Variants in SETD3 observed in about 807,000 individuals in gnomAD.
SETD3 encodes actin-histidine N-methyltransferase.
In SETD3, 19 loss-of-function variants were observed where a neutral mutation model predicts 63.0. The observed-to-expected ratio is 0.30, with a 90% CI of 0.21 to 0.44. The LOEUF is 0.44. Among genes scored for constraint, SETD3 ranks in the 20% least tolerant of loss-of-function variants. The probability of loss-of-function intolerance (pLI) is 1.00; values close to 1 mark genes in which losing one functional copy is unlikely to be tolerated. For synonymous variants in SETD3, 286 were observed against 264.1 expected, an observed-to-expected ratio of 1.08 and a Z score of -0.80; for missense variants, 587 against 728.5, an observed-to-expected ratio of 0.81 and a Z score of 2.24.
chr14:99,428,482 C>G (rs1893003076), intron 6 of SETD3, among the ~76,000 whole-genome samples: 1 of 151,940 alleles, frequency 6.6e-6, no homozygotes, highest in African/African-American at 2.4e-5. Context: ...CCATCACTAC[C>G]AAAAAATACA....
intron 6 of SETD3, among the ~76,000 whole-genome samples, chr14:99,449,657 G>A (rs889969576): frequency 4.6e-5 from 7 of 152,154 alleles, no homozygotes; most frequent in African/African-American, 1.7e-4. Context: ...AATGCAATAC[G>A]GGATTCTGGA....
chr14:99,481,347 T>A (rs528468265), upstream of SETD3: 13 of 398,420 alleles, frequency 3.3e-5, no homozygotes, highest in South Asian at 1.7e-3. Flanking sequence ...GGCATCCTAC[T>A]CTCTCCGCCC....
upstream of SETD3, among the ~76,000 whole-genome samples, chr14:99,485,498 C>G (rs1433819516): frequency 6.6e-6 from 1 of 152,192 alleles, no homozygotes; most frequent in East Asian, 1.9e-4. Flanking sequence ...CTAAGGTTAA[C>G]TTTCTTGCTG....
upstream of SETD3, chr14:99,481,129 C>G (rs1247672931): frequency 3.2e-6 from 1 of 312,034 alleles, no homozygotes; most frequent in African/African-American, 2.1e-5. Context: ...GAATCTCGAC[C>G]CGGGCCCCGC....
At chr14:99,428,179 GGTCT>G (rs1305825951) in intron 6 of SETD3, among the ~76,000 whole-genome samples, 1 of 152,302 alleles carries the variant, frequency 6.6e-6, no homozygotes, top group South Asian at 2.1e-4. Flanking sequence ...CTACCCATCT[GGTCT>G]GTTACTTCAC....
intron 1 of SETD3, among the ~76,000 whole-genome samples, chr14:99,474,130 G>A (rs1327181673): frequency 6.6e-6 from 1 of 152,142 alleles, no homozygotes; most frequent in Non-Finnish European, 1.5e-5. Flanking sequence ...AGACCAACTT[G>A]GTCAACATGA....
upstream of SETD3, among the ~76,000 whole-genome samples, chr14:99,484,447 A>C (rs1204317795): frequency 6.6e-6 from 1 of 152,242 alleles, no homozygotes; most frequent in Non-Finnish European, 1.5e-5. Flanking sequence ...AAAAATCATG[A>C]TGAGAAAAAT....
chr14:99,441,393 T>C (rs191696963), intron 6 of SETD3, among the ~76,000 whole-genome samples: 42 of 152,322 alleles, frequency 2.8e-4, no homozygotes, highest in African/African-American at 9.4e-4. Flanking sequence ...TGAGCCCTCC[T>C]GTGTGACAGG....
At chr14:99,409,288 G>C (rs908288545) in intron 8 of SETD3, among the ~76,000 whole-genome samples, 2 of 152,170 alleles carry the variant, frequency 1.3e-5, no homozygotes, top group African/African-American at 4.8e-5. Flanking sequence ...TAGTGGAAAA[G>C]ACACAGGGAG....
chr14:99,452,493 A>G (rs1566721266), intron 6 of SETD3, among the ~76,000 whole-genome samples: 1 of 152,276 alleles, frequency 6.6e-6, no homozygotes, highest in Non-Finnish European at 1.5e-5. Context: ...GTCCTGGATC[A>G]AGGAAATCTG....
chr14:99,434,760 T>C (rs1893374636), intron 6 of SETD3, among the ~76,000 whole-genome samples: 3 of 143,942 alleles, frequency 2.1e-5, no homozygotes, highest in Admixed American at 7.5e-5. Flanking sequence ...GGAAGGAGAA[T>C]TGCTTGAACC....
chr14:99,463,408 A>G, intron 3 of SETD3, 78 bp downstream of exon 3: 2 of 1,067,218 alleles, frequency 1.9e-6, no homozygotes, highest in Non-Finnish European at 2.8e-6. Flanking sequence ...TGAGACCTTT[A>G]CTACTCGTCA....
chr14:99,443,056 A>C (rs1179860127), intron 6 of SETD3, among the ~76,000 whole-genome samples: 1 of 152,112 alleles, frequency 6.6e-6, no homozygotes, highest in Non-Finnish European at 1.5e-5. Context: ...TGATAGGGAG[A>C]GTTACATACC....
chr14:99,406,650 T>A, intron 8 of SETD3, 60 bp from the exon 9 acceptor site: 1 of 1,507,664 alleles, frequency 6.6e-7, no homozygotes, highest in South Asian at 1.1e-5. Flanking sequence ...TCTCACTTAA[T>A]CTACAAGCTT....
chr14:99,461,112 A>G, intron 4 of SETD3, 80 bp downstream of exon 4: 1 of 1,504,130 alleles, frequency 6.6e-7, no homozygotes, highest in Non-Finnish European at 9.0e-7. Flanking sequence ...CCACACGTCT[A>G]CCTCTTCACC....
intron 7 of SETD3, chr14:99,413,283 T>C: frequency 2.0e-6 from 1 of 500,716 alleles, no homozygotes; most frequent in Non-Finnish European, 3.6e-6. Flanking sequence ...AGGCAGACTG[T>C]TCCCAAGAAG....
At chr14:99,403,930 A>C (rs1004963434) in intron 11 of SETD3, among the ~76,000 whole-genome samples, 2 of 152,244 alleles carry the variant, frequency 1.3e-5, no homozygotes, top group African/African-American at 4.8e-5. Flanking sequence ...CTGTCAGGCT[A>C]CAAATGTAGA....
At chr14:99,404,472 C>A (rs1163651252) in intron 10 of SETD3, among the ~76,000 whole-genome samples, 162 bp from the exon 11 acceptor site, 1 of 152,190 alleles carries the variant, frequency 6.6e-6, no homozygotes, top group Admixed American at 6.5e-5. Flanking sequence ...CGATTTTCAG[C>A]CCCTGCAAAA....
In SETD3 at chr14:99,400,244, T is replaced by C. The variant is rs767214430; in HGVS notation, c.1193A>G (p.His398Arg). ...ATCAATAGCGCTGTCTCCCAGCAAG[T>C]GTTCTTTCAGTTCTTCTACAAGAAA... Reference protein sequence around the residue: ...FCMTEEELKEHLLGDSAIDRI... With the variant: ...FCMTEEELKERLLGDSAIDRI... The change falls in exon 12 of 13, where the codon CAC (histidine) becomes CGC (arginine). Residue 398 changes from histidine (H) to arginine (R), a missense_variant. By Grantham distance (29) the His-to-Arg change is conservative (BLOSUM62 0). Coordinates refer to ENST00000331768, the MANE Select transcript of SETD3 (RefSeq NM_032233.3). 9.2e-5 allele frequency: 148 copies of C among 1,611,328 alleles called. No individual in the cohort carries two copies. Among genetic ancestry groups the C allele is most frequent in the Non-Finnish European group, 1.2e-4 (142 of 1,179,246 alleles).
Sources: allele counts gnomAD v4.1 joint callset (sites outside exome capture counted in the v4.1 genomes callset), GRCh38; gene constraint gnomAD v4.1.1; transcripts MANE v1.5; gene names NCBI Gene and HGNC (gene_info 2026-07-23, HGNC 2026-07-21).